IPCEF1: variants seen among roughly 807,000 people sequenced by gnomAD.
The protein encoded by IPCEF1 is interactor protein for cytohesin exchange factors 1.
A neutral mutation model predicts 50.9 loss-of-function variants in IPCEF1; 31 were observed. The observed-to-expected ratio is 0.61, with a 90% CI of 0.46 to 0.82. The LOEUF (loss-of-function observed/expected upper bound fraction) is 0.82, where lower values mean the gene tolerates loss of function less well. Among genes scored for constraint, IPCEF1 ranks in the 40% least tolerant of loss-of-function variants. IPCEF1 has a pLI of 0.00. For synonymous variants in IPCEF1, 181 were observed against 192.0 expected, an observed-to-expected ratio of 0.94 and a Z score of 0.47; for missense variants, 458 against 514.0, an observed-to-expected ratio of 0.89 and a Z score of 1.05.
chr6:154,292,475 C>G (rs1367081049), intron 1 of IPCEF1, among the ~76,000 whole-genome samples: 1 of 152,152 alleles, frequency 6.6e-6, no homozygotes, highest in Non-Finnish European at 1.5e-5. Context: ...TTTTGGTCAT[C>G]TTTCCTCTTT....
At chr6:154,262,843 C>G (rs1182374392) in intron 3 of IPCEF1, among the ~76,000 whole-genome samples, 1 of 136,252 alleles carries the variant, frequency 7.3e-6, no homozygotes, top group Admixed American at 8.5e-5. Context: ...GTGATGCAAT[C>G]TCAGCTCCCT....
At chr6:154,247,041 G>C (rs9322453) in intron 4 of IPCEF1, 154,097 of 409,484 alleles carry the variant, frequency 0.38, 30,483 homozygotes, top group Middle Eastern at 0.44. Context: ...GGAGTAATAT[G>C]CAAGTATTAG....
chr6:154,264,446 C>T (rs1374783503), intron 3 of IPCEF1, among the ~76,000 whole-genome samples: 1 of 152,052 alleles, frequency 6.6e-6, no homozygotes, highest in Non-Finnish European at 1.5e-5. Context: ...GATCTCAGCT[C>T]ACTGCAACCT....
Position 154,170,389 on chromosome 6 carries a change from C to T in IPCEF1, c.911-2276G>A, listed in dbSNP as rs543446590. ...AATGGTGACCTAGGAGCATCAAAACCAAGCAAACTTCACATGCCTTAGAGT... is the reference window on the plus strand; with the variant it reads ...AATGGTGACCTAGGAGCATCAAAACTAAGCAAACTTCACATGCCTTAGAGT... On this transcript the variant is annotated intron_variant, in intron 10 of 11. Transcript: ENST00000367220. Among the ~76,000 whole-genome samples the T allele has an allele frequency of 2.6e-5, 4 of 152,278 alleles. No individual in the cohort carries two copies. In the South Asian group the frequency reaches 8.3e-4, roughly 32 times the overall value.
At chr6:154,222,351 TA>T (rs775507273) in intron 6 of IPCEF1, among the ~76,000 whole-genome samples, 16 of 152,228 alleles carry the variant, frequency 1.1e-4, no homozygotes, top group Non-Finnish European at 2.2e-4. Context: ...GACTTAAAGC[TA>T]ACACCAGTTT....
chr6:154,229,941 G>A (rs1779593811), intron 5 of IPCEF1, among the ~76,000 whole-genome samples: 1 of 152,174 alleles, frequency 6.6e-6, no homozygotes, highest in Non-Finnish European at 1.5e-5. Flanking sequence ...AAAACATTCT[G>A]CTAAGTGAAA....
intron 1 of IPCEF1, among the ~76,000 whole-genome samples, chr6:154,356,001 CT>C (rs1480436153): frequency 6.6e-6 from 1 of 152,076 alleles, no homozygotes; most frequent in Non-Finnish European, 1.5e-5. Flanking sequence ...AGAAATTAGA[CT>C]TTATCAAGGA....
intron 6 of IPCEF1, among the ~76,000 whole-genome samples, chr6:154,221,836 T>C (rs950459811): frequency 3.9e-5 from 6 of 152,150 alleles, no homozygotes; most frequent in Non-Finnish European, 8.8e-5. Flanking sequence ...ATCATGCCAC[T>C]GCACTCCAGT....
intron 5 of IPCEF1, among the ~76,000 whole-genome samples, chr6:154,232,684 T>C (rs1435651895): frequency 6.6e-6 from 1 of 152,056 alleles, no homozygotes; most frequent in Non-Finnish European, 1.5e-5. Flanking sequence ...AACCCTGGAT[T>C]TGGAATTAAT....
At position 154,342,192 on chromosome 6, in the gene IPCEF1, C is replaced by A. The variant is rs191029843; in HGVS notation, c.-62+14480G>T. Among the ~76,000 whole-genome samples, 57 of 152,286 alleles carry A rather than the reference C, an allele frequency of 3.7e-4. 1 individual carries two copies. The highest frequency in any genetic ancestry group is 3.7e-3 in the Admixed American group (56 of 15,288). On this transcript the variant is annotated intron_variant, in intron 1 of 11. Coordinates refer to ENST00000367220, the MANE Select transcript of IPCEF1 (RefSeq NM_001130700.2). ...CTTTAGGTCTGCAGTCTAAGTCTAG[C>A]TCCTAAACCTGAAGTCTGTTTGATT... is the stretch of plus-strand genomic sequence containing the variant.
rs1456804429 is a variant in IPCEF1, at chr6:154,335,047, C to A, written c.-62+21625G>T. On this transcript the variant is annotated intron_variant, in intron 1 of 11. Transcript: ENST00000367220. The stretch of plus-strand genomic sequence containing the variant: ...ATAACCACACCTAAACAGATCGTGT[C>A]ACAAGATAATGTCACAGTATTTTGG... Among the ~76,000 whole-genome samples the A allele has an allele frequency of 3.9e-5, 6 of 152,136 alleles. No homozygotes were observed. The East Asian group carries it at 1.2e-3, about 29-fold the overall frequency.
intron 9 of IPCEF1, among the ~76,000 whole-genome samples, chr6:154,203,809 T>C (rs1777265325): frequency 6.6e-6 from 1 of 152,186 alleles, no homozygotes; most frequent in African/African-American, 2.4e-5. Context: ...TGACAAAGAA[T>C]TGGCCAGAAC....
At chr6:154,315,386 G>A (rs1181492155) in intron 1 of IPCEF1, among the ~76,000 whole-genome samples, 2 of 152,156 alleles carry the variant, frequency 1.3e-5, no homozygotes, top group Non-Finnish European at 2.9e-5. Flanking sequence ...CAAAGAGTGG[G>A]AGCCCTTAGA....
chr6:154,246,935 CAAAAAAA>C (rs10543127), intron 4 of IPCEF1, 175 bp from the exon 5 acceptor site: 1 of 250,664 alleles, frequency 4.0e-6, no homozygotes. Context: ...AAAACCAATG[CAAAAAAA>C]AAAAAAAAAA....
intron 1 of IPCEF1, among the ~76,000 whole-genome samples, chr6:154,350,958 G>A (rs906453435): frequency 2.6e-5 from 4 of 152,100 alleles, no homozygotes; most frequent in Non-Finnish European, 5.9e-5. Context: ...GGCATCAAGC[G>A]ATCCTCCCAA....
chr6:154,345,847 T>C (rs2128699920), intron 1 of IPCEF1, among the ~76,000 whole-genome samples: 1 of 106,680 alleles, frequency 9.4e-6, no homozygotes, highest in African/African-American at 3.0e-5. Context: ...AAATACACTT[T>C]TATCTCATTT....
chr6:154,240,430 G>GTATGC (rs1331339716), intron 5 of IPCEF1, among the ~76,000 whole-genome samples: 1 of 151,728 alleles, frequency 6.6e-6, no homozygotes, highest in Admixed American at 6.6e-5. Context: ...TTTCCAAAAT[G>GTATGC]TATGCTAATC....
chr6:154,290,888 A>G (rs1210614148), intron 1 of IPCEF1, among the ~76,000 whole-genome samples: 3 of 104,500 alleles, frequency 2.9e-5, no homozygotes, highest in Admixed American at 1.1e-4. Flanking sequence ...GTAGGAATAT[A>G]TTGCCTTTTT....
chr6:154,311,102 A>C (rs1485704451), intron 1 of IPCEF1, among the ~76,000 whole-genome samples: 1 of 152,232 alleles, frequency 6.6e-6, no homozygotes, highest in Non-Finnish European at 1.5e-5. Context: ...AAATCAAAAC[A>C]ACACATTGTA....
Sources: allele counts gnomAD v4.1 joint callset (sites outside exome capture counted in the v4.1 genomes callset), GRCh38; gene constraint gnomAD v4.1.1; transcripts MANE v1.5; gene names NCBI Gene and HGNC (gene_info 2026-07-23, HGNC 2026-07-21).